The following GRID2IP variants were observed in gnomAD, a reference collection of about 807,000 sequenced individuals.
GRID2IP encodes Grid2 interacting protein.
Under a neutral mutation model 114.3 loss-of-function variants are expected in GRID2IP, and 78 were observed. The ratio of observed to expected loss-of-function variants is 0.68; its 90% CI spans 0.57 to 0.82. The LOEUF is 0.82. Among genes scored for constraint, GRID2IP ranks in the 40% least tolerant of loss-of-function variants. The pLI, the probability that GRID2IP is intolerant of heterozygous loss-of-function variation, is 0.00. For missense variants in GRID2IP, 1,727 were observed against 1,678.5 expected, an observed-to-expected ratio of 1.03 and a Z score of -0.51; for synonymous variants, 809 against 724.0, an observed-to-expected ratio of 1.12 and a Z score of -1.89.
chr7:6,532,382 C>T lies in GRID2IP; in HGVS notation c.585-5613G>A, dbSNP rs975943624. Among the ~76,000 whole-genome samples the T allele has an allele frequency of 6.6e-6, 1 of 152,138 alleles. No individual in the cohort carries two copies. The highest frequency in any genetic ancestry group is 2.4e-5 in the African/African-American group (1 of 41,430). On this transcript the variant is annotated intron_variant, in intron 2 of 21. Coordinates refer to ENST00000457091, the MANE Select transcript of GRID2IP (RefSeq NM_001145118.2). The surrounding 1 kb of genome is among the most constrained non-coding windows in gnomAD (Gnocchi z 4.4). ...CTCTGTCTCACTCAGAGGGACAGCTCCCATGGGGCAGCCTGTGGGTACCTG... is the reference window on the plus strand; with the variant it reads ...CTCTGTCTCACTCAGAGGGACAGCTTCCATGGGGCAGCCTGTGGGTACCTG...
Position 6,526,203 on chromosome 7 carries a change from G to T in GRID2IP, c.919+21C>A. On this transcript the variant is annotated intron_variant, in intron 4 of 21. Transcript: ENST00000457091. This position sits in a 1 kb window ranked among gnomAD's most constrained non-coding sequence, Gnocchi z 7.6. ...CATCCTGGGCCTTAGGGACTCTTAGGGCAACCGGCCCACCCCTCACCAGGC... is the reference window on the plus strand; with the variant it reads ...CATCCTGGGCCTTAGGGACTCTTAGTGCAACCGGCCCACCCCTCACCAGGC... 1 of 1,548,102 alleles carries T rather than the reference G, an allele frequency of 6.5e-7. No homozygotes were observed. Among genetic ancestry groups the T allele is most frequent in the South Asian group, 1.2e-5 (1 of 83,990 alleles).
intron 2 of GRID2IP, among the ~76,000 whole-genome samples, chr7:6,538,554 G>A (rs879323070): frequency 1.0e-4 from 15 of 149,578 alleles, no homozygotes; most frequent in Non-Finnish European, 2.1e-4. Context: ...GCGACAGAGC[G>A]AGACCCTGTC....
At chr7:6,531,189 G>T (rs1779615884) in intron 2 of GRID2IP, 2 of 480,922 alleles carry the variant, frequency 4.2e-6, no homozygotes, top group Non-Finnish European at 7.4e-6. Flanking sequence ...GCGACTCCAC[G>T]CACCTCTGCC....
rs754683653 is a variant in GRID2IP at position 6,508,831 on chromosome 7, GA to G, written c.2127+126del. ...AAGGGGTGGGATAGCTTGAGCTAGG[GA>G]GTGGGATAGCCTGGGGAAGATCCCA... On this transcript the variant is annotated intron_variant, in intron 12 of 21. Coordinates refer to ENST00000457091, the MANE Select transcript of GRID2IP (RefSeq NM_001145118.2). This position sits in a 1 kb window ranked among gnomAD's most constrained non-coding sequence, Gnocchi z 5.6. The G allele has an allele frequency of 5.1e-6, 7 of 1,384,006 alleles. No homozygotes were observed. The highest frequency in any genetic ancestry group is 6.7e-6 in the Non-Finnish European group (7 of 1,046,222). 85.7% of individuals were successfully genotyped at this position (1,384,006 alleles called of 1,614,324 possible).
chr7:6,502,120 T>G lies in GRID2IP; in HGVS notation c.3151-2A>C. 6.4e-7 allele frequency: 1 copy of G among 1,551,222 alleles called. No homozygotes were observed. The highest frequency in any genetic ancestry group is 8.7e-7 in the Non-Finnish European group (1 of 1,146,864). ...ATCCACTGTCTTGGTGGAGTTCAGC[T>G]GCAAGTGACCCCCAATATACATTCC... On this transcript the variant is annotated splice_acceptor_variant, in intron 18 of 21. Transcript: ENST00000457091. LOFTEE classifies it high-confidence loss of function.
Position 6,508,175 on chromosome 7 carries a change from G to T in GRID2IP, c.2354C>A (p.Ala785Asp). The T allele has an allele frequency of 6.6e-7, 1 of 1,507,800 alleles. No individual in the cohort carries two copies. The highest frequency in any genetic ancestry group is 1.4e-5 in the African/African-American group (1 of 72,056). 93.4% of individuals were successfully genotyped at this position (1,507,800 alleles called of 1,614,324 possible). Residue 785 changes from alanine to aspartate, a missense_variant, in exon 13 of 22, where the codon GCC becomes GAC. Ala to Asp is a moderately radical substitution (Grantham distance 126, BLOSUM62 -2). Coordinates refer to ENST00000457091, the MANE Select transcript of GRID2IP (RefSeq NM_001145118.2). The surrounding 1 kb of genome is among the most constrained non-coding windows in gnomAD (Gnocchi z 5.6). ...DGSRGPAQAL[A>D]KPLTQLSHPV... Reference sequence around the variant, plus strand: ...GTGGCTGAGTTGGGTGAGGGGCTTGGCCAGCGCCTGAGCAGGGCCCCGGGA... The same window carrying T: ...GTGGCTGAGTTGGGTGAGGGGCTTGTCCAGCGCCTGAGCAGGGCCCCGGGA...
chr7:6,544,856 C>T (rs762068215), intron 1 of GRID2IP, among the ~76,000 whole-genome samples: 7 of 151,276 alleles, frequency 4.6e-5, no homozygotes, highest in East Asian at 2.0e-4. Context: ...CCGAGGCAGG[C>T]GGATCACAAG....
At chr7:6,524,573 T>C (rs1172649126) in intron 4 of GRID2IP, among the ~76,000 whole-genome samples, 1 of 152,068 alleles carries the variant, frequency 6.6e-6, no homozygotes, top group East Asian at 2.0e-4. Context: ...CAAGATGCCA[T>C]GGTTGGGCAT....
In GRID2IP at chr7:6,536,721, G is replaced by T; in HGVS notation, c.584+2997C>A. The T allele has an allele frequency of 1.4e-6, 1 of 689,668 alleles. No individual in the cohort carries two copies. Among genetic ancestry groups the T allele is most frequent in the Non-Finnish European group, 2.7e-6 (1 of 376,488 alleles). The allele number at this position is 689,668 out of a possible 1,614,324, so 42.7% of individuals were successfully genotyped here. On this transcript the variant is annotated intron_variant, in intron 2 of 21. Transcript: ENST00000457091. The surrounding 1 kb of genome is among the most constrained non-coding windows in gnomAD (Gnocchi z 5.3). ...TGCCTGTCAATCAGCTCCCCAGGAA[G>T]CGCTCAGAGCCAGCGCATCATCTCC... is the stretch of plus-strand genomic sequence containing the variant.
At chr7:6,518,988 G>A (rs906066015) in intron 7 of GRID2IP, among the ~76,000 whole-genome samples, 3 of 151,522 alleles carry the variant, frequency 2.0e-5, no homozygotes, top group Non-Finnish European at 2.9e-5. Context: ...GTGTGATCTT[G>A]GCTCACTGCA....
Position 6,551,149 on chromosome 7 carries a change from C to G in GRID2IP, c.288G>C (p.Ala96=), listed in dbSNP as rs1383092945. The change falls in exon 1 of 22, where the codon GCG becomes GCC. Residue 96 remains alanine (A), a synonymous_variant. Transcript: ENST00000457091. ...DGGPGPGSGP[A]APTTVLRAPR... ...GGGCCCGCAAGACTGTGGTCGGGGC[C>G]GCGGGGCCGGATCCTGGGCCGGGGC... 5 of 1,333,596 alleles carry G rather than the reference C, an allele frequency of 3.7e-6. No individual in the cohort carries two copies. The highest frequency in any genetic ancestry group is 4.8e-6 in the Non-Finnish European group (5 of 1,048,370). 82.6% of individuals were successfully genotyped at this position (1,333,596 alleles called of 1,614,324 possible).
chr7:6,546,062 C>T (rs966721359), intron 1 of GRID2IP, among the ~76,000 whole-genome samples: 12 of 152,088 alleles, frequency 7.9e-5, no homozygotes, highest in African/African-American at 2.4e-4. Flanking sequence ...CATGAGGTAT[C>T]ATCACGGGAC....
At chr7:6,505,063 C>T (rs544794872) in intron 14 of GRID2IP, among the ~76,000 whole-genome samples, 193 bp from the exon 15 acceptor site, 2 of 152,186 alleles carry the variant, frequency 1.3e-5, no homozygotes, top group Non-Finnish European at 2.9e-5. Context: ...TCCCCCGCCC[C>T]GTGTCCTGTG....
intron 20 of GRID2IP, among the ~76,000 whole-genome samples, chr7:6,499,227 T>C (rs953181826): frequency 6.6e-6 from 1 of 152,182 alleles, no homozygotes; most frequent in African/African-American, 2.4e-5. Flanking sequence ...TGAGCCACGG[T>C]TGAACCCACC....
Position 6,516,478 on chromosome 7 carries a change from C to T in GRID2IP, c.1269-1949G>A, listed in dbSNP as rs1157315285. 6.6e-6 allele frequency among the ~76,000 whole-genome samples: 1 copy of T among 152,064 alleles called. No homozygotes were observed. The highest frequency in any genetic ancestry group is 2.4e-5 in the African/African-American group (1 of 41,354). ...AGTGACCAAAAGACAAGAGTGTGAG[C>T]CCTCCGTTATGCCTGGACAGGGCCA... On this transcript the variant is annotated intron_variant, in intron 7 of 21. Transcript: ENST00000457091. This position sits in a 1 kb window ranked among gnomAD's most constrained non-coding sequence, Gnocchi z 4.3.
At chr7:6,535,585 G>A (rs966028635) in intron 2 of GRID2IP, among the ~76,000 whole-genome samples, 1 of 152,108 alleles carries the variant, frequency 6.6e-6, no homozygotes, top group East Asian at 1.9e-4. Flanking sequence ...TTACCTCTTG[G>A]TGGGGCACAG....
chr7:6,549,334 C>G (rs2115104510), intron 1 of GRID2IP, among the ~76,000 whole-genome samples: 1 of 152,360 alleles, frequency 6.6e-6, no homozygotes, highest in African/African-American at 2.4e-5. Context: ...TGGCCACACC[C>G]TACTTCCTGC....
chr7:6,521,517 G>C lies in GRID2IP; in HGVS notation c.996C>G (p.Cys332Trp). The change falls in exon 6 of 22, where the codon TGC becomes TGG. Residue 332 changes from cysteine (C) to tryptophan (W), a missense_variant. Physicochemically the swap from Cys to Trp is radical, Grantham distance 215. Transcript: ENST00000457091. This position sits in a 1 kb window ranked among gnomAD's most constrained non-coding sequence, Gnocchi z 4.1. ...GCATGGACACCACCTTGTCGTGGGA[G>C]CAGTTCCTGCCAAGCAGAGATGGCC... is the stretch of plus-strand genomic sequence containing the variant. ...LFLNGLDMRN[C>W]SHDKVVSMLQ... 1 of 1,544,918 alleles carries C rather than the reference G, an allele frequency of 6.5e-7. No individual in the cohort carries two copies. The highest frequency in any genetic ancestry group is 1.2e-5 in the South Asian group (1 of 83,102).
At chr7:6,503,358 T>C in intron 16 of GRID2IP, 133 bp downstream of exon 16, 1 of 1,032,888 alleles carries the variant, frequency 9.7e-7, no homozygotes, top group South Asian at 1.7e-5. Context: ...CCATTAAAGG[T>C]GTTAAACTGG....
Sources: allele counts gnomAD v4.1 joint callset (sites outside exome capture counted in the v4.1 genomes callset), GRCh38; gene constraint gnomAD v4.1.1; non-coding constraint Gnocchi (gnomAD v3.1); transcripts MANE v1.5; gene names NCBI Gene and HGNC (gene_info 2026-07-23, HGNC 2026-07-21).